Variants in OPCML observed in about 807,000 individuals in gnomAD.
OPCML encodes opioid-binding protein/cell adhesion molecule.
OPCML carries 13 observed loss-of-function variants against 37.8 expected under a neutral mutation model. The ratio of observed to expected loss-of-function variants is 0.34; its 90% CI spans 0.22 to 0.55. The LOEUF (loss-of-function observed/expected upper bound fraction) is 0.55. OPCML is among the 20% of genes least tolerant of loss of function. OPCML has a pLI of 0.91. For synonymous variants in OPCML, 176 were observed against 168.8 expected, an observed-to-expected ratio of 1.04 and a Z score of -0.33; for missense variants, 341 against 435.6, an observed-to-expected ratio of 0.78 and a Z score of 1.93.
intron 1 of OPCML, among the ~76,000 whole-genome samples, chr11:133,140,577 A>AAGAAGAAGAAGAAAG (rs748209202): frequency 4.7e-5 from 4 of 85,026 alleles, no homozygotes; most frequent in South Asian, 3.9e-4. Flanking sequence ...GAAGAAGAAG[A>AAGAAGAAGAAGAAAG]AAGAAGAAAA....
chr11:133,424,207 G>A (rs1450523956), intron 1 of OPCML, among the ~76,000 whole-genome samples: 2 of 152,156 alleles, frequency 1.3e-5, no homozygotes, highest in African/African-American at 2.4e-5. Context: ...CTCCCTTTCT[G>A]AAGAGGGCCC....
intron 1 of OPCML, among the ~76,000 whole-genome samples, chr11:133,051,892 C>T (rs1317927916): frequency 6.6e-6 from 1 of 152,146 alleles, no homozygotes; most frequent in East Asian, 1.9e-4. Flanking sequence ...GCAAATATAC[C>T]CCAAACAGCT....
intron 2 of OPCML, among the ~76,000 whole-genome samples, chr11:132,743,256 A>G (rs1171619185): frequency 1.3e-5 from 2 of 152,276 alleles, no homozygotes; most frequent in East Asian, 1.9e-4. Flanking sequence ...ACCATACAGA[A>G]AATGGTAAAT....
At chr11:132,653,572 G>C (rs899212088) in intron 3 of OPCML, among the ~76,000 whole-genome samples, 1 of 152,168 alleles carries the variant, frequency 6.6e-6, no homozygotes, top group Non-Finnish European at 1.5e-5. Flanking sequence ...CAGTGGCTGA[G>C]ATGTACCTCA....
chr11:132,518,714 A>T (rs1380939565), intron 4 of OPCML, among the ~76,000 whole-genome samples: 4 of 152,172 alleles, frequency 2.6e-5, no homozygotes, highest in Non-Finnish European at 5.9e-5. Flanking sequence ...CACAGCAGCT[A>T]CCACACTGTG....
At position 133,478,395 on chromosome 11, in the gene OPCML, C is replaced by T. The variant is rs184031730; in HGVS notation, c.61+53869G>A. Among the ~76,000 whole-genome samples, 88 of 152,238 alleles carry T rather than the reference C, an allele frequency of 5.8e-4. 2 individuals are homozygous for T. The highest frequency in any genetic ancestry group is 2.0e-3 in the African/African-American group (83 of 41,544). ...CGAGTAAGAGACTTTAGTGACCTGA[C>T]CAAGGGTCTCGGACCTGAATTTGAG... On this transcript the variant is annotated intron_variant, in intron 1 of 7. Transcript: ENST00000524381.
rs186437239 is a variant in OPCML, at chr11:133,147,940, C to T, written c.62-204930G>A. 5.3e-5 allele frequency among the ~76,000 whole-genome samples: 8 copies of T among 152,264 alleles called. No homozygotes were observed. In the East Asian group the frequency reaches 5.8e-4, roughly 11 times the overall value. On this transcript the variant is annotated intron_variant, in intron 1 of 7. Coordinates refer to ENST00000524381, the MANE Select transcript of OPCML (RefSeq NM_001012393.5). ...CGTCCTGCAGTTGTTACTCAGCGAA[C>T]GCTTTCTTCCTCCTGCCCATCTCTC...
chr11:133,412,866 C>G (rs1431592704), intron 1 of OPCML, among the ~76,000 whole-genome samples: 1 of 152,092 alleles, frequency 6.6e-6, no homozygotes, highest in East Asian at 1.9e-4. Flanking sequence ...GCAAATTTGA[C>G]CAAATTGAAG....
At chr11:133,520,521 C>A (rs1203676341) in intron 1 of OPCML, among the ~76,000 whole-genome samples, 1 of 152,148 alleles carries the variant, frequency 6.6e-6, no homozygotes, top group East Asian at 1.9e-4. Context: ...TCCCCTTGGG[C>A]CTGGGCAAAG....
At chr11:133,311,735 A>T (rs1943071728) in intron 1 of OPCML, among the ~76,000 whole-genome samples, 1 of 152,210 alleles carries the variant, frequency 6.6e-6, no homozygotes, top group African/African-American at 2.4e-5. Context: ...GCAGGAGTCC[A>T]TTGTCTGAGA....
chr11:133,063,000 T>C (rs1410396221), intron 1 of OPCML, among the ~76,000 whole-genome samples: 1 of 152,240 alleles, frequency 6.6e-6, no homozygotes, highest in Non-Finnish European at 1.5e-5. Flanking sequence ...GCCTGTCCAG[T>C]GCCTCCCATG....
chr11:133,376,209 CT>C (rs1203426746), intron 1 of OPCML, among the ~76,000 whole-genome samples: 2 of 151,766 alleles, frequency 1.3e-5, no homozygotes, highest in Non-Finnish European at 2.9e-5. Flanking sequence ...TTTAATGTGC[CT>C]TTTGTAATAA....
intron 2 of OPCML, among the ~76,000 whole-genome samples, chr11:132,927,406 TA>T (rs1945031996): frequency 6.6e-5 from 10 of 152,190 alleles, no homozygotes; most frequent in Admixed American, 6.5e-4. Context: ...CTTAATGTGC[TA>T]AAAGGAAAAA....
chr11:132,815,145 G>A (rs188771151), intron 2 of OPCML, among the ~76,000 whole-genome samples: 17 of 152,022 alleles, frequency 1.1e-4, no homozygotes, highest in East Asian at 1.9e-4. Flanking sequence ...ATCTTTTTGC[G>A]TCCAAATTCA....
At chr11:132,921,836 C>T (rs1287274721) in intron 2 of OPCML, among the ~76,000 whole-genome samples, 1 of 152,098 alleles carries the variant, frequency 6.6e-6, no homozygotes, top group Non-Finnish European at 1.5e-5. Context: ...GGAACTGCCT[C>T]GCTCTAGCAC....
At chr11:133,235,869 G>A (rs974319161) in intron 1 of OPCML, among the ~76,000 whole-genome samples, 2 of 152,192 alleles carry the variant, frequency 1.3e-5, no homozygotes, top group Non-Finnish European at 2.9e-5. Context: ...TGCCTCAACT[G>A]TGAAATGGGA....
At chr11:132,823,700 C>T (rs1481346911) in intron 2 of OPCML, among the ~76,000 whole-genome samples, 2 of 152,102 alleles carry the variant, frequency 1.3e-5, no homozygotes, top group Admixed American at 1.3e-4. Context: ...CAAAAGAATT[C>T]TATATATGCT....
chr11:132,429,933 T>G (rs1039588559), intron 7 of OPCML, among the ~76,000 whole-genome samples: 1 of 151,828 alleles, frequency 6.6e-6, no homozygotes, highest in South Asian at 2.1e-4. Flanking sequence ...CCGGAGGAGC[T>G]AGAAGCAGAC....
chr11:132,923,306 T>C (rs1043583487), intron 2 of OPCML, among the ~76,000 whole-genome samples: 12 of 152,140 alleles, frequency 7.9e-5, no homozygotes, highest in Admixed American at 7.2e-4. Context: ...CATGGATTTG[T>C]ACCTAAGCAT....
Sources: allele counts gnomAD v4.1 joint callset (sites outside exome capture counted in the v4.1 genomes callset), GRCh38; gene constraint gnomAD v4.1.1; transcripts MANE v1.5; gene names NCBI Gene and HGNC (gene_info 2026-07-23, HGNC 2026-07-21).